MYO1B: variants seen among roughly 807,000 people sequenced by gnomAD.
The protein encoded by MYO1B is myosin IB.
In MYO1B, 72 loss-of-function variants were observed where a neutral mutation model predicts 159.7. That is an observed-to-expected ratio of 0.45 (90% CI 0.37 to 0.55). The LOEUF is 0.55. MYO1B is among the 20% of genes least tolerant of loss of function. The pLI, the probability that MYO1B is intolerant of heterozygous loss-of-function variation, is 0.00. For missense variants in MYO1B, 1,062 were observed against 1,364.8 expected (o/e 0.78, Z 3.50); for synonymous variants, 468 against 473.8 (o/e 0.99, Z 0.16).
At chr2:191,370,369 A>G in intron 13 of MYO1B, 77 bp downstream of exon 13, 1 of 973,348 alleles carries the variant, frequency 1.0e-6, no homozygotes, top group East Asian at 2.4e-5. Context: ...TTATGTAGAC[A>G]TTATAAGTAA....
At chr2:191,329,875 C>A in intron 3 of MYO1B, 60 bp from the exon 4 acceptor site, 1 of 1,435,704 alleles carries the variant, frequency 7.0e-7, no homozygotes, top group Non-Finnish European at 9.6e-7. Flanking sequence ...GTAGTTCCAT[C>A]TGATAAACAC....
chr2:191,248,330 T>C (rs1334747628), intron 1 of MYO1B, among the ~76,000 whole-genome samples: 1 of 152,250 alleles, frequency 6.6e-6, no homozygotes, highest in Non-Finnish European at 1.5e-5. Flanking sequence ...CAGATGCTCC[T>C]AGATTTACAA....
intron 9 of MYO1B, 21 bp from the exon 10 acceptor site, chr2:191,363,707 C>CTTTTTTTT: frequency 7.0e-7 from 1 of 1,432,316 alleles, no homozygotes; most frequent in Non-Finnish European, 9.4e-7. Context: ...AAAATAGTTG[C>CTTTTTTTT]TTTTTTTTTT....
In MYO1B at chr2:191,414,671, TA is replaced by T; in HGVS notation, c.3159+5del. ...TTCTTCGCCGTCCACCTCAAAGAGG[TA>T]AAGGTTCAACAGAAGATTTCTGTGC... On this transcript the variant is annotated splice_donor_region_variant and intron_variant, in intron 29 of 30. Transcript: ENST00000392318. The T allele has an allele frequency of 6.2e-7, 1 of 1,605,412 alleles. No individual in the cohort carries two copies. Among genetic ancestry groups the T allele is most frequent in the Non-Finnish European group, 8.5e-7 (1 of 1,177,298 alleles).
intron 4 of MYO1B, among the ~76,000 whole-genome samples, chr2:191,336,650 G>A (rs1029055555): frequency 1.3e-5 from 2 of 152,170 alleles, no homozygotes; most frequent in East Asian, 3.8e-4. Flanking sequence ...ACTGCTGCCT[G>A]TTAGATCCAT....
intron 1 of MYO1B, among the ~76,000 whole-genome samples, chr2:191,256,047 G>A (rs1686424584): frequency 6.6e-6 from 1 of 152,104 alleles, no homozygotes. Context: ...GAGGGCTCAG[G>A]CATGACAATG....
chr2:191,302,197 A>G (rs565906990), intron 3 of MYO1B, among the ~76,000 whole-genome samples: 1 of 152,326 alleles, frequency 6.6e-6, no homozygotes, highest in Middle Eastern at 3.4e-3. Flanking sequence ...GAGTTATCAG[A>G]CCACTCGTGG....
In MYO1B at chr2:191,424,272, A is replaced by G. The variant is rs1698115321; in HGVS notation, c.*312A>G. ...TATTACTCATAAATCATTAATTAAT[A>G]TAAGCATAGGAAATGGTCTTAAAAG... On this transcript the variant is annotated 3_prime_UTR_variant, in exon 31 of 31. Transcript: ENST00000392318. The G allele has an allele frequency of 7.3e-6, 2 of 272,450 alleles. No individual in the cohort carries two copies. Among genetic ancestry groups the G allele is most frequent in the Non-Finnish European group, 1.4e-5 (2 of 144,982 alleles). 16.9% of individuals were successfully genotyped at this position (272,450 alleles called of 1,614,324 possible). A position where few individuals can be genotyped will look rare whatever the true frequency, so the allele number is the denominator to read the frequency against.
chr2:191,267,696 C>T (rs1162989219), intron 1 of MYO1B, among the ~76,000 whole-genome samples: 1 of 152,178 alleles, frequency 6.6e-6, no homozygotes, highest in African/African-American at 2.4e-5. Flanking sequence ...TCTGTGTGGC[C>T]CACCAGCCCC....
At chr2:191,268,310 A>G (rs1487612527) in intron 1 of MYO1B, among the ~76,000 whole-genome samples, 1 of 152,142 alleles carries the variant, frequency 6.6e-6, no homozygotes, top group Non-Finnish European at 1.5e-5. Flanking sequence ...ACTACAGAGA[A>G]AGAGCGAACC....
intron 3 of MYO1B, among the ~76,000 whole-genome samples, chr2:191,324,746 T>C (rs13005154): frequency 0.28 from 42,985 of 152,018 alleles, 7,599 homozygotes; most frequent in East Asian, 0.41. Context: ...TATACTGGCA[T>C]AGGACAAGAC....
At chr2:191,275,156 A>C (rs1396084584) in intron 1 of MYO1B, among the ~76,000 whole-genome samples, 4 of 152,068 alleles carry the variant, frequency 2.6e-5, no homozygotes. Flanking sequence ...CACCTGCCTC[A>C]GCCTCCCAAA....
chr2:191,268,670 T>C (rs1452192303), intron 1 of MYO1B, among the ~76,000 whole-genome samples: 2 of 152,208 alleles, frequency 1.3e-5, no homozygotes, highest in Non-Finnish European at 2.9e-5. Flanking sequence ...TCACCATGCT[T>C]CATTCTTCTC....
chr2:191,369,950 A>G (rs1418936351), intron 12 of MYO1B, among the ~76,000 whole-genome samples: 1 of 152,154 alleles, frequency 6.6e-6, no homozygotes, highest in Non-Finnish European at 1.5e-5. Context: ...TTACTTCACT[A>G]GGTCATGATC....
rs140881885 is a variant in MYO1B, at chr2:191,410,854, T to A, written c.2767-212T>A. On this transcript the variant is annotated intron_variant, in intron 26 of 30. Transcript: ENST00000392318. ...GCCCTGGTGTGTTTTGAAGAAGCAT[T>A]CCAGGTTCTGCAATACAAATAATAC... is the stretch of plus-strand genomic sequence containing the variant. Among the ~76,000 whole-genome samples the A allele has an allele frequency of 3.0e-4, 46 of 152,316 alleles. No homozygotes were observed. In the East Asian group the frequency reaches 8.3e-3, roughly 27 times the overall value.
Position 191,355,796 on chromosome 2 carries a change from TACTCTA to T in MYO1B, c.563-4833_563-4828del, listed in dbSNP as rs540825076. On this transcript the variant is annotated intron_variant, in intron 7 of 30. Transcript: ENST00000392318. ...TAAGGGGCCAGCACGCTGGGGGAGT[TACTCTA>T]AGGAGATGCTTCCACATGGAAATGT... is the stretch of plus-strand genomic sequence containing the variant. 3.7e-3 allele frequency among the ~76,000 whole-genome samples: 565 copies of T among 152,294 alleles called. 4 individuals carry two copies. The highest frequency in any genetic ancestry group is 0.013 in the African/African-American group (536 of 41,572).
intron 30 of MYO1B, among the ~76,000 whole-genome samples, chr2:191,420,189 C>T (rs1438792983): frequency 6.6e-6 from 1 of 152,044 alleles, no homozygotes; most frequent in East Asian, 1.9e-4. Context: ...GGAGACAGAC[C>T]AAGACCCTGC....
At chr2:191,334,698 A>G (rs1295941850) in intron 4 of MYO1B, among the ~76,000 whole-genome samples, 4 of 152,044 alleles carry the variant, frequency 2.6e-5, no homozygotes, top group Admixed American at 6.6e-5. Flanking sequence ...TGGTAGTGCC[A>G]TTGTGTTTAC....
intron 1 of MYO1B, among the ~76,000 whole-genome samples, chr2:191,270,188 A>G (rs775503003): frequency 1.2e-4 from 19 of 152,222 alleles, no homozygotes; most frequent in Non-Finnish European, 2.2e-4. Flanking sequence ...ATCAAAATTT[A>G]CAAAACAAGG....
Sources: allele counts gnomAD v4.1 joint callset (sites outside exome capture counted in the v4.1 genomes callset), GRCh38; gene constraint gnomAD v4.1.1; transcripts MANE v1.5; gene names NCBI Gene and HGNC (gene_info 2026-07-23, HGNC 2026-07-21).